The following UNC5D variants were observed in gnomAD, a reference collection of about 807,000 sequenced individuals.
UNC5D encodes the protein unc-5 netrin receptor D.
UNC5D carries 39 observed loss-of-function variants against 105.4 expected under a neutral mutation model. The observed-to-expected ratio is 0.37, with a 90% confidence interval of 0.29 to 0.48. The LOEUF (loss-of-function observed/expected upper bound fraction) is 0.48, where lower values mean the gene tolerates loss of function less well. UNC5D is among the 20% of genes least tolerant of loss of function. UNC5D has a pLI of 0.98. For missense variants in UNC5D, 991 were observed against 1,202.4 expected (o/e 0.82, Z 2.60); for synonymous variants, 452 against 450.4 (o/e 1.00, Z -0.04).
chr8:35,454,720 G>T (rs1348464786), intron 1 of UNC5D, among the ~76,000 whole-genome samples: 1 of 151,840 alleles, frequency 6.6e-6, no homozygotes, highest in Non-Finnish European at 1.5e-5. Flanking sequence ...TTTCTGTGTA[G>T]CCCCCGTACC....
At chr8:35,493,651 G>T (rs1811355440) in intron 1 of UNC5D, among the ~76,000 whole-genome samples, 1 of 152,130 alleles carries the variant, frequency 6.6e-6, no homozygotes, top group Non-Finnish European at 1.5e-5. Context: ...AGTTGTTGGT[G>T]TTACAAATAT....
intron 1 of UNC5D, among the ~76,000 whole-genome samples, chr8:35,471,673 A>T (rs1809737584): frequency 6.6e-6 from 1 of 152,188 alleles, no homozygotes; most frequent in Non-Finnish European, 1.5e-5. Context: ...CTTCATGGTT[A>T]AGAAAAATAA....
At chr8:35,471,201 C>T (rs1433975136) in intron 1 of UNC5D, among the ~76,000 whole-genome samples, 1 of 152,156 alleles carries the variant, frequency 6.6e-6, no homozygotes, top group Non-Finnish European at 1.5e-5. Flanking sequence ...TAGCCACTAA[C>T]AACCTTTTCA....
Position 35,748,615 on chromosome 8 carries a change from A to G in UNC5D, c.1855A>G (p.Thr619Ala), listed in dbSNP as rs776287291. ...DMIVTTPFALTIPHCADVSSE... is the reference protein window; with the variant it reads ...DMIVTTPFALAIPHCADVSSE... The stretch of plus-strand genomic sequence containing the variant: ...GATCGTCACCACTCCCTTTGCATTG[A>G]CCATCCCGCACTGTGCAGATGTCAG... The change falls in exon 12 of 17, where the codon ACC (threonine) becomes GCC (alanine). Residue 619 changes from threonine (T) to alanine (A), a missense_variant. Thr to Ala is a moderately conservative substitution (Grantham distance 58, BLOSUM62 0). Coordinates refer to ENST00000404895, the MANE Select transcript of UNC5D (RefSeq NM_080872.4). 6.2e-7 allele frequency: 1 copy of G among 1,613,890 alleles called. No individual in the cohort carries two copies. Among genetic ancestry groups the G allele is most frequent in the Non-Finnish European group, 8.5e-7 (1 of 1,179,948 alleles).
chr8:35,610,536 A>G (rs759443390), intron 4 of UNC5D, among the ~76,000 whole-genome samples: 3 of 152,226 alleles, frequency 2.0e-5, no homozygotes, highest in Non-Finnish European at 4.4e-5. Flanking sequence ...GGAGCCTGGG[A>G]CAGGACATCA....
rs11380512 is a variant in UNC5D at position 35,749,989 on chromosome 8, T to TAAAAAAAAAAAAAAAA, written c.1936-581_1936-580insAAAAAAAAAAAAAAAA. 4.8e-3 allele frequency among the ~76,000 whole-genome samples: 659 copies of TAAAAAAAAAAAAAAAA among 136,682 alleles called. 31 individuals carry two copies. Among genetic ancestry groups the TAAAAAAAAAAAAAAAA allele is most frequent in the African/African-American group, 0.02 (580 of 29,730 alleles). 89.7% of individuals were successfully genotyped at this position (136,682 alleles called of 152,430 possible). ...TTTAAAGAGTTGTCAGAAATAGTTGTAAAAAAAAAAAAGTTTGCTTATTGA... is the reference window on the plus strand; with the variant it reads ...TTTAAAGAGTTGTCAGAAATAGTTGTAAAAAAAAAAAAAAAAAAAAAAAAAAAAGTTTGCTTATTGA... On this transcript the variant is annotated intron_variant, in intron 12 of 16. Transcript: ENST00000404895.
chr8:35,728,071 T>TAA (rs71215643), intron 10 of UNC5D, among the ~76,000 whole-genome samples: 512 of 40,890 alleles, frequency 0.013, 22 homozygotes, highest in Non-Finnish European at 0.015. Context: ...TTGCTGTCTC[T>TAA]AAAAAAAAAA....
intron 1 of UNC5D, among the ~76,000 whole-genome samples, chr8:35,271,782 C>T (rs1189323257): frequency 7.1e-6 from 1 of 140,588 alleles, no homozygotes; most frequent in Non-Finnish European, 1.6e-5. Flanking sequence ...TACATAGGCA[C>T]TCTATCTGTA....
At chr8:35,661,903 T>C (rs1319159493) in intron 4 of UNC5D, among the ~76,000 whole-genome samples, 1 of 152,186 alleles carries the variant, frequency 6.6e-6, no homozygotes, top group Non-Finnish European at 1.5e-5. Context: ...AACCTGGGAC[T>C]GTCCTGAGCA....
At chr8:35,499,435 C>T (rs1480024445) in intron 1 of UNC5D, among the ~76,000 whole-genome samples, 1 of 152,152 alleles carries the variant, frequency 6.6e-6, no homozygotes, top group Non-Finnish European at 1.5e-5. Flanking sequence ...ACAGAAATTT[C>T]CCCACCCAAC....
At chr8:35,713,690 T>C (rs1156763218) in intron 8 of UNC5D, among the ~76,000 whole-genome samples, 1 of 152,178 alleles carries the variant, frequency 6.6e-6, no homozygotes, top group Non-Finnish European at 1.5e-5. Context: ...AAAAATATTT[T>C]ATAAAATAGA....
chr8:35,437,566 A>T (rs1250826554), intron 1 of UNC5D, among the ~76,000 whole-genome samples: 2 of 152,092 alleles, frequency 1.3e-5, no homozygotes, highest in African/African-American at 4.8e-5. Context: ...ACCAACATTT[A>T]TATACATGAA....
At chr8:35,502,159 T>C (rs999394370) in intron 1 of UNC5D, among the ~76,000 whole-genome samples, 1 of 152,238 alleles carries the variant, frequency 6.6e-6, no homozygotes, top group African/African-American at 2.4e-5. Context: ...TATGGGAAGT[T>C]ATCCCTCAAT....
intron 16 of UNC5D, among the ~76,000 whole-genome samples, chr8:35,785,887 C>T (rs543142975): frequency 3.3e-5 from 5 of 152,098 alleles, no homozygotes; most frequent in Non-Finnish European, 7.3e-5. Flanking sequence ...TCCTCATTGG[C>T]CAAGTACTAT....
intron 1 of UNC5D, among the ~76,000 whole-genome samples, chr8:35,465,225 T>C (rs1249885683): frequency 6.6e-6 from 1 of 152,146 alleles, no homozygotes; most frequent in Non-Finnish European, 1.5e-5. Flanking sequence ...ACACTGTCTA[T>C]GCAAAAAGTA....
intron 1 of UNC5D, among the ~76,000 whole-genome samples, chr8:35,442,616 G>T (rs1035283874): frequency 1.3e-5 from 2 of 151,886 alleles, no homozygotes; most frequent in Admixed American, 1.3e-4. Context: ...AGTTTGTTTA[G>T]TAGTTTGAAT....
At chr8:35,561,868 A>C (rs115453469) in intron 2 of UNC5D, among the ~76,000 whole-genome samples, 1,610 of 152,294 alleles carry the variant, frequency 0.011, 36 homozygotes, top group African/African-American at 0.036. Context: ...TCAAACACTT[A>C]TGTTTATGCT....
At chr8:35,568,031 C>G (rs1429098767) in intron 2 of UNC5D, 67 bp from the exon 3 acceptor site, 2 of 1,582,234 alleles carry the variant, frequency 1.3e-6, no homozygotes, top group Non-Finnish European at 1.7e-6. Flanking sequence ...GTTTGGCTAA[C>G]CTTAACTTTC....
chr8:35,656,560 C>T (rs928044848), intron 4 of UNC5D, among the ~76,000 whole-genome samples: 1 of 152,158 alleles, frequency 6.6e-6, no homozygotes, highest in African/African-American at 2.4e-5. Context: ...TCTTCTTCCT[C>T]CTTAATTCTC....
Sources: gnomAD v4.1 joint callset for allele counts (sites outside exome capture counted in the v4.1 genomes callset) on GRCh38, gnomAD v4.1.1 for gene constraint, MANE v1.5 for transcripts, NCBI Gene and HGNC (gene_info 2026-07-23, HGNC 2026-07-21) for gene names.